The following IL1R1 variants were observed in gnomAD, a reference collection of about 807,000 sequenced individuals.
The protein encoded by IL1R1 is interleukin 1 receptor type 1, also known as interleukin-1 receptor type 1.
A neutral mutation model predicts 50.2 loss-of-function variants in IL1R1; 22 were observed. The observed-to-expected ratio is 0.44, with a 90% CI of 0.31 to 0.63. The LOEUF (loss-of-function observed/expected upper bound fraction) is 0.63. IL1R1 is among the 20% of genes least tolerant of loss of function. IL1R1 has a pLI of 0.07. For missense variants in IL1R1, 509 were observed against 676.2 expected (o/e 0.75, Z 2.74); for synonymous variants, 251 against 236.7 (o/e 1.06, Z -0.55).
At chr2:102,134,264 G>GTTCTCTC (rs11282682) in intron 1 of IL1R1, among the ~76,000 whole-genome samples, 2 of 151,992 alleles carry the variant, frequency 1.3e-5, no homozygotes, top group Non-Finnish European at 2.9e-5. Flanking sequence ...TCTTGTCGGT[G>GTTCTCTC]CACTCAACCC....
chr2:102,114,297 G>A (rs936602201), intron 1 of IL1R1, among the ~76,000 whole-genome samples: 1 of 152,204 alleles, frequency 6.6e-6, no homozygotes, highest in African/African-American at 2.4e-5. Context: ...CTCTGGAAAG[G>A]TTAAACACAC....
At chr2:102,135,500 A>G (rs1243309203) in intron 1 of IL1R1, among the ~76,000 whole-genome samples, 2 of 152,230 alleles carry the variant, frequency 1.3e-5, no homozygotes, top group Non-Finnish European at 2.9e-5. Context: ...TGTAACAATT[A>G]TAATGTTATT....
chr2:102,172,399 T>C (rs1436772959), intron 8 of IL1R1: 1 of 985,272 alleles, frequency 1.0e-6, no homozygotes, highest in Non-Finnish European at 1.2e-6. Context: ...GTTTAGTGTC[T>C]CCTCTGTGCC....
At chr2:102,118,801 A>C (rs890455114) in intron 1 of IL1R1, among the ~76,000 whole-genome samples, 2 of 152,082 alleles carry the variant, frequency 1.3e-5, no homozygotes, top group Non-Finnish European at 2.9e-5. Context: ...GAGGATCATG[A>C]GGTCAGGAGA....
upstream of IL1R1, chr2:102,141,989 T>C (rs1682679826): frequency 1.3e-5 from 2 of 152,230 alleles, no homozygotes; most frequent in South Asian, 4.1e-4. Context: ...GTGTGAATTC[T>C]CATTGGCAAA....
At chr2:102,078,601 A>ACACACACACACACACACAC (rs1159929134) in intron 1 of IL1R1, among the ~76,000 whole-genome samples, 1 of 133,402 alleles carries the variant, frequency 7.5e-6, no homozygotes, top group East Asian at 2.2e-4. Flanking sequence ...CACACACACA[A>ACACACACACACACACACAC]GAAAAAAAAA....
chr2:102,175,342 G>A (rs1193013947), intron 10 of IL1R1, 136 bp from the exon 11 acceptor site: 1 of 683,976 alleles, frequency 1.5e-6, no homozygotes, highest in Admixed American at 2.5e-5. Flanking sequence ...TTATATTTTT[G>A]GTATTGCTGC....
chr2:102,104,335 C>T (rs1252652708), upstream of IL1R1, among the ~76,000 whole-genome samples: 1 of 152,146 alleles, frequency 6.6e-6, no homozygotes, highest in Non-Finnish European at 1.5e-5. Context: ...CTGAGACTGA[C>T]CAGTCAAGAC....
chr2:102,168,101 A>G (rs934883561), intron 6 of IL1R1, among the ~76,000 whole-genome samples: 8 of 152,184 alleles, frequency 5.3e-5, no homozygotes, highest in African/African-American at 1.9e-4. Context: ...AAGTCAGATT[A>G]ATTTCTGGGG....
intron 1 of IL1R1, among the ~76,000 whole-genome samples, chr2:102,086,708 G>A (rs766441918): frequency 1.3e-5 from 2 of 151,948 alleles, no homozygotes; most frequent in Non-Finnish European, 2.9e-5. Flanking sequence ...AAAAATTCTC[G>A]TTACTGTTCT....
intron 1 of IL1R1, among the ~76,000 whole-genome samples, chr2:102,133,559 C>T (rs960529417): frequency 2.6e-5 from 4 of 152,130 alleles, no homozygotes; most frequent in African/African-American, 7.2e-5. Flanking sequence ...GCTAATGCAT[C>T]GTGACCAAGT....
chr2:102,080,186 C>G (rs1679145456), intron 1 of IL1R1, among the ~76,000 whole-genome samples: 1 of 152,074 alleles, frequency 6.6e-6, no homozygotes, highest in African/African-American at 2.4e-5. Context: ...GCAATGCTTC[C>G]TTAAGTATAC....
chr2:102,174,772 A>C, intron 10 of IL1R1, 42 bp downstream of exon 10: 1 of 1,517,888 alleles, frequency 6.6e-7, no homozygotes, highest in South Asian at 1.2e-5. Flanking sequence ...GTTGGAGATA[A>C]GGGATAGTTA....
intron 1 of IL1R1, among the ~76,000 whole-genome samples, chr2:102,074,662 G>T (rs561997049): frequency 7.9e-5 from 12 of 152,272 alleles, no homozygotes; most frequent in Admixed American, 5.2e-4. Flanking sequence ...TTTGCAGGCC[G>T]TTTAAATCCA....
chr2:102,105,540 A>AT (rs1426348435), intron 1 of IL1R1, among the ~76,000 whole-genome samples: 3 of 151,888 alleles, frequency 2.0e-5, no homozygotes, highest in Non-Finnish European at 4.4e-5. Context: ...AACTTTTTGT[A>AT]TTTTTAGTAG....
At chr2:102,142,621 C>T (rs769638311), upstream of IL1R1, among the ~76,000 whole-genome samples, 7 of 151,862 alleles carry the variant, frequency 4.6e-5, no homozygotes, top group Non-Finnish European at 8.8e-5. Context: ...CGCGCCTGCT[C>T]CTCCGGGTGG....
intron 5 of IL1R1, 109 bp downstream of exon 5, chr2:102,165,413 T>C (rs939757013): frequency 1.1e-5 from 6 of 532,662 alleles, no homozygotes; most frequent in Non-Finnish European, 1.2e-5. Context: ...TTGTTTTCTC[T>C]TTAATGGTGA....
intron 3 of IL1R1, among the ~76,000 whole-genome samples, chr2:102,158,577 AT>A (rs1269797241): frequency 2.0e-5 from 3 of 152,220 alleles, no homozygotes; most frequent in Non-Finnish European, 4.4e-5. Context: ...GGCCAAGAGT[AT>A]TTGGCAGGCT....
chr2:102,080,592 C>T (rs4850996), intron 1 of IL1R1, among the ~76,000 whole-genome samples: 30,984 of 152,078 alleles, frequency 0.2, 3,668 homozygotes, highest in East Asian at 0.53. Context: ...CATAGAGAAA[C>T]TGGTACACTC....
Sources: gnomAD v4.1 joint callset for allele counts (sites outside exome capture counted in the v4.1 genomes callset) on GRCh38, gnomAD v4.1.1 for gene constraint, MANE v1.5 for transcripts, NCBI Gene and HGNC (gene_info 2026-07-23, HGNC 2026-07-21) for gene names.